Variants in PIP5K1C observed in about 807,000 individuals in gnomAD.
PIP5K1C encodes the protein phosphatidylinositol 4-phosphate 5-kinase type-1 gamma.
Under a neutral mutation model 80.1 loss-of-function variants are expected in PIP5K1C, and 45 were observed. The observed-to-expected ratio is 0.56, with a 90% confidence interval of 0.44 to 0.72. The LOEUF is 0.72. Among genes scored for constraint, PIP5K1C ranks in the 30% least tolerant of loss-of-function variants. The probability of loss-of-function intolerance (pLI) is 0.00; values close to 1 mark genes in which losing one functional copy is unlikely to be tolerated. For synonymous variants in PIP5K1C, 498 were observed against 420.1 expected (o/e 1.19, Z -2.27); for missense variants, 753 against 954.6 (o/e 0.79, Z 2.78).
In PIP5K1C at chr19:3,643,039, G is replaced by A. The variant is rs929269723; in HGVS notation, c.1650-100C>T. ...CCGCCTGCCTACCTGCCCCCTGGCAGCCCTGCCCACCTGTACATATGCTCC... is the reference window on the plus strand; with the variant it reads ...CCGCCTGCCTACCTGCCCCCTGGCAACCCTGCCCACCTGTACATATGCTCC... On this transcript the variant is annotated intron_variant, in intron 13 of 17. Transcript: ENST00000335312. 24 of 1,501,110 alleles carry A rather than the reference G, an allele frequency of 1.6e-5. No homozygotes were observed. In the African/African-American group the frequency reaches 2.5e-4, roughly 16 times the overall value. 93.0% of individuals were successfully genotyped at this position (1,501,110 alleles called of 1,614,324 possible).
rs1160755413 is a variant in PIP5K1C, at chr19:3,643,391, G to C, written c.1511-10C>G. 2 of 1,613,124 alleles carry C rather than the reference G, an allele frequency of 1.2e-6. No individual in the cohort carries two copies. The highest frequency in any genetic ancestry group is 3.3e-5 in the Admixed American group (2 of 60,014). On this transcript the variant is annotated splice_polypyrimidine_tract_variant and intron_variant, in intron 12 of 17. Coordinates refer to ENST00000335312, the MANE Select transcript of PIP5K1C (RefSeq NM_012398.3). ...AGGAGGTCGGGCCGGCCTGAGGGGA[G>C]AGGACTGTGGGCACCTTGCGGAGCC...
rs2035065857 is a variant in PIP5K1C at position 3,667,878 on chromosome 19, G to GC, written c.95-526dup. On this transcript the variant is annotated intron_variant, in intron 1 of 17. Transcript: ENST00000335312. ...CAGCGTGGGGAGTGAGGGGGGGCAG[G>GC]CCCCCGCTGGGGCGAGGGCAGGCTG... Among the ~76,000 whole-genome samples, 2 of 151,834 alleles carry GC rather than the reference G, an allele frequency of 1.3e-5. 1 individual carries two copies. The highest frequency in any genetic ancestry group is 4.1e-4 in the South Asian group (2 of 4,834).
chr19:3,643,097 G>A (rs1191710669), intron 13 of PIP5K1C, 146 bp downstream of exon 13: 10 of 1,454,318 alleles, frequency 6.9e-6, no homozygotes, highest in African/African-American at 2.8e-5. Flanking sequence ...CCGCCCCCGC[G>A]CACCCACATG....
At chr19:3,697,226 G>T (rs898460180) in intron 1 of PIP5K1C, among the ~76,000 whole-genome samples, 1 of 150,760 alleles carries the variant, frequency 6.6e-6, no homozygotes, top group African/African-American at 2.4e-5. Context: ...AAGCTGGACC[G>T]GGGAGGACCG....
At position 3,660,069 on chromosome 19, in the gene PIP5K1C, G is replaced by T. The variant is rs185454545; in HGVS notation, c.468+897C>A. Among the ~76,000 whole-genome samples, 444 of 152,288 alleles carry T rather than the reference G, an allele frequency of 2.9e-3. 2 individuals are homozygous for T. The highest frequency in any genetic ancestry group is 4.7e-3 in the Non-Finnish European group (323 of 68,020). ...GGTGATGGCGCAGGTTGGATGCCGGGGCTCACGCCTGGAATCCCAGCACTT... is the reference window on the plus strand; with the variant it reads ...GGTGATGGCGCAGGTTGGATGCCGGTGCTCACGCCTGGAATCCCAGCACTT... On this transcript the variant is annotated intron_variant, in intron 5 of 17. Transcript: ENST00000335312.
At chr19:3,682,092 G>A (rs916204558) in intron 1 of PIP5K1C, among the ~76,000 whole-genome samples, 17 of 152,118 alleles carry the variant, frequency 1.1e-4, no homozygotes, top group Non-Finnish European at 1.8e-4. Context: ...AGGCATCGTG[G>A]GCCAGGCACA....
At chr19:3,687,242 G>C (rs2035787314) in intron 1 of PIP5K1C, among the ~76,000 whole-genome samples, 1 of 151,626 alleles carries the variant, frequency 6.6e-6, no homozygotes, top group Non-Finnish European at 1.5e-5. Flanking sequence ...CATGCCTGTA[G>C]TCCCAGCTAC....
At chr19:3,697,332 C>T (rs1247907554) in intron 1 of PIP5K1C, among the ~76,000 whole-genome samples, 5 of 142,378 alleles carry the variant, frequency 3.5e-5, no homozygotes, top group African/African-American at 1.1e-4. Context: ...GGAGGAGGAC[C>T]GAGCTGGACC....
chr19:3,635,966 C>T (rs1257811873), intron 16 of PIP5K1C, among the ~76,000 whole-genome samples: 2 of 151,720 alleles, frequency 1.3e-5, no homozygotes, highest in Non-Finnish European at 2.9e-5. Flanking sequence ...GGCGACAGAA[C>T]GAGACTCTGT....
intron 11 of PIP5K1C, among the ~76,000 whole-genome samples, chr19:3,644,667 C>A (rs781757980): frequency 1.3e-5 from 2 of 152,232 alleles, no homozygotes; most frequent in Non-Finnish European, 2.9e-5. Flanking sequence ...GTTAGAGAAG[C>A]CTGTGGCTCA....
Position 3,656,326 on chromosome 19 carries a change from C to G in PIP5K1C, c.621+79G>C. The G allele has an allele frequency of 7.8e-6, 12 of 1,547,266 alleles. No homozygotes were observed. In the South Asian group the frequency reaches 1.3e-4, roughly 17 times the overall value. On this transcript the variant is annotated intron_variant, in intron 6 of 17. Transcript: ENST00000335312. ...CCCAAGGATGCCTGCTTGCCCAAGCCTTGCAGACATCTGCTCCCGCCAGCC... is the reference window on the plus strand; with the variant it reads ...CCCAAGGATGCCTGCTTGCCCAAGCGTTGCAGACATCTGCTCCCGCCAGCC...
At chr19:3,658,493 C>T (rs564574883) in intron 5 of PIP5K1C, among the ~76,000 whole-genome samples, 3 of 152,230 alleles carry the variant, frequency 2.0e-5, no homozygotes, top group South Asian at 2.1e-4. Flanking sequence ...TTCCCCGCCA[C>T]GGCAGGACGC....
Position 3,664,821 on chromosome 19 carries a change from C to A in PIP5K1C, c.219+1G>T. On this transcript the variant is annotated splice_donor_variant, in intron 3 of 17. Transcript: ENST00000335312. LOFTEE classifies it high-confidence loss of function. ...CAGCCAGCTAAGGGGAGCCGAGGAACCTTCTTGTAGGTGGTTTCGCCGGAT... is the reference window on the plus strand; with the variant it reads ...CAGCCAGCTAAGGGGAGCCGAGGAAACTTCTTGTAGGTGGTTTCGCCGGAT... 2 of 1,612,362 alleles carry A rather than the reference C, an allele frequency of 1.2e-6. No homozygotes were observed. Among genetic ancestry groups the A allele is most frequent in the Non-Finnish European group, 1.7e-6 (2 of 1,179,212 alleles).
At chr19:3,698,044 C>G (rs1221171253) in intron 1 of PIP5K1C, among the ~76,000 whole-genome samples, 1 of 152,260 alleles carries the variant, frequency 6.6e-6, no homozygotes, top group Non-Finnish European at 1.5e-5. Context: ...GCTGGCAGTG[C>G]CGTGGGAAAC....
intron 1 of PIP5K1C, among the ~76,000 whole-genome samples, chr19:3,675,527 A>G (rs2035331065): frequency 6.6e-6 from 1 of 152,212 alleles, no homozygotes; most frequent in Admixed American, 6.5e-5. Context: ...GAAACGCAGT[A>G]AACAGCAACT....
intron 8 of PIP5K1C, among the ~76,000 whole-genome samples, chr19:3,651,252 T>C (rs556710777): frequency 6.6e-6 from 1 of 151,726 alleles, no homozygotes; most frequent in African/African-American, 2.4e-5. Flanking sequence ...GATGGGGTCT[T>C]GCCATGTTGC....
intron 5 of PIP5K1C, among the ~76,000 whole-genome samples, chr19:3,659,206 C>T (rs189380129): frequency 3.3e-5 from 5 of 152,348 alleles, no homozygotes; most frequent in African/African-American, 7.2e-5. Context: ...CACACTAGCC[C>T]GTCCTCCCGC....
chr19:3,669,772 C>G (rs1038862705), intron 1 of PIP5K1C: 1 of 148,900 alleles, frequency 6.7e-6, no homozygotes, highest in African/African-American at 2.5e-5. Flanking sequence ...GGGAGACCCA[C>G]GTGTGTCCCA....
chr19:3,685,061 C>G (rs1242119756), intron 1 of PIP5K1C, among the ~76,000 whole-genome samples: 1 of 152,190 alleles, frequency 6.6e-6, no homozygotes, highest in East Asian at 1.9e-4. Flanking sequence ...TTAACTCACT[C>G]AACTTGTAAA....
Sources: gnomAD v4.1 joint callset for allele counts (sites outside exome capture counted in the v4.1 genomes callset) on GRCh38, gnomAD v4.1.1 for gene constraint, MANE v1.5 for transcripts, NCBI Gene and HGNC (gene_info 2026-07-23, HGNC 2026-07-21) for gene names.